R3HDM1: variants seen among roughly 807,000 people sequenced by gnomAD.
R3HDM1 encodes R3H domain-containing protein 1.
Under a neutral mutation model 141.1 loss-of-function variants are expected in R3HDM1, and 46 were observed. The ratio of observed to expected loss-of-function variants is 0.33; its 90% CI spans 0.26 to 0.42. R3HDM1 has a LOEUF of 0.42. Ranked by LOEUF, R3HDM1 falls within the 10% of genes least tolerant of loss-of-function variation. The pLI is 1.00. For synonymous variants in R3HDM1, 435 were observed against 472.9 expected, an observed-to-expected ratio of 0.92 and a Z score of 1.04; for missense variants, 1,184 against 1,368.3, an observed-to-expected ratio of 0.87 and a Z score of 2.12.
In R3HDM1 at chr2:135,622,853, A is replaced by G. The variant is rs2061637368; in HGVS notation, c.497+121A>G. The G allele has an allele frequency of 2.2e-6, 3 of 1,346,150 alleles. No homozygotes were observed. In the South Asian group the frequency reaches 5.9e-5, roughly 26 times the overall value. 83.4% of individuals were successfully genotyped at this position (1,346,150 alleles called of 1,614,324 possible). Reference sequence around the variant, plus strand: ...TGCAGATATTTGAAGTACACCAGAAACATTTTAGTTTTTTAGGGCAAAGAT... The same window carrying G: ...TGCAGATATTTGAAGTACACCAGAAGCATTTTAGTTTTTTAGGGCAAAGAT... On this transcript the variant is annotated intron_variant, in intron 7 of 26. Transcript: ENST00000683871.
intron 15 of R3HDM1, 181 bp from the exon 16 acceptor site, chr2:135,645,198 T>C (rs960258683): frequency 2.2e-5 from 11 of 494,880 alleles, no homozygotes; most frequent in Non-Finnish European, 3.4e-5. Flanking sequence ...ATAAAGACTA[T>C]TAATAGCCTC....
At chr2:135,534,084 A>T (rs1480253880) in intron 1 of R3HDM1, 1 of 954,874 alleles carries the variant, frequency 1.0e-6, no homozygotes. Flanking sequence ...TAGTGACTTA[A>T]GCACAGTTTG....
chr2:135,575,861 C>T (rs188634179), intron 1 of R3HDM1, among the ~76,000 whole-genome samples: 6 of 152,188 alleles, frequency 3.9e-5, no homozygotes, highest in Non-Finnish European at 4.4e-5. Flanking sequence ...CACCAAGAAG[C>T]CTTTTTTACT....
In R3HDM1 at chr2:135,724,314, C is replaced by T. The variant is rs756738507; in HGVS notation, c.*22C>T. The T allele has an allele frequency of 1.3e-6, 2 of 1,530,316 alleles. No individual in the cohort carries two copies. The highest frequency in any genetic ancestry group is 1.2e-5 in the South Asian group (1 of 84,626). The allele number at this position is 1,530,316 out of a possible 1,614,324, so 94.8% of individuals were successfully genotyped here. On this transcript the variant is annotated 3_prime_UTR_variant, in exon 27 of 27. Coordinates refer to ENST00000683871, the MANE Select transcript of R3HDM1 (RefSeq NM_001378107.1). ...GTAACAGCCACCTTTGGACCCTTCG[C>T]CTTTATGGTTCCCCTGCCCTCTCCC...
intron 1 of R3HDM1, chr2:135,581,311 G>A (rs567276973): frequency 1.0e-5 from 10 of 985,354 alleles, no homozygotes; most frequent in South Asian, 4.7e-5. Context: ...ACTCTCATGC[G>A]TCCTTCCTTA....
At chr2:135,582,453 G>A (rs1707031152) in intron 1 of R3HDM1, among the ~76,000 whole-genome samples, 1 of 152,142 alleles carries the variant, frequency 6.6e-6, no homozygotes, top group Non-Finnish European at 1.5e-5. Flanking sequence ...TTCAGTAAAA[G>A]CAGAATCTTA....
At chr2:135,578,754 C>T (rs534478551) in intron 1 of R3HDM1, among the ~76,000 whole-genome samples, 7 of 152,226 alleles carry the variant, frequency 4.6e-5, no homozygotes, top group South Asian at 2.1e-4. Flanking sequence ...ACAGAGGTAT[C>T]GCTTAGGAAT....
chr2:135,592,521 T>C (rs1024179078), intron 1 of R3HDM1, among the ~76,000 whole-genome samples: 2 of 152,130 alleles, frequency 1.3e-5, no homozygotes, highest in South Asian at 2.1e-4. Context: ...GAATGAATGA[T>C]TTTTTGAAAA....
chr2:135,552,475 C>T (rs956804790), intron 1 of R3HDM1, among the ~76,000 whole-genome samples: 4 of 152,146 alleles, frequency 2.6e-5, no homozygotes, highest in Non-Finnish European at 5.9e-5. Flanking sequence ...AGATTACAGG[C>T]ATGAGCCACC....
At chr2:135,563,207 A>G (rs946509028) in intron 1 of R3HDM1, among the ~76,000 whole-genome samples, 1 of 152,234 alleles carries the variant, frequency 6.6e-6, no homozygotes, top group Non-Finnish European at 1.5e-5. Context: ...AAATGCGTGC[A>G]TGTGTGTCAC....
intron 1 of R3HDM1, among the ~76,000 whole-genome samples, chr2:135,556,497 T>A (rs1700787900): frequency 6.6e-6 from 1 of 152,026 alleles, no homozygotes. Flanking sequence ...GATTGATCAT[T>A]TATTATGCAT....
chr2:135,650,600 T>C (rs1478184455), intron 17 of R3HDM1: 1 of 978,834 alleles, frequency 1.0e-6, no homozygotes, highest in African/African-American at 1.8e-5. Context: ...CTGTTAACAA[T>C]ATTTGATCAT....
At position 135,639,817 on chromosome 2, in the gene R3HDM1, C is replaced by T. The variant is rs1018050044; in HGVS notation, c.1219+695C>T. Among the ~76,000 whole-genome samples, 7 of 152,172 alleles carry T rather than the reference C, an allele frequency of 4.6e-5. No individual in the cohort carries two copies. In the South Asian group the frequency reaches 1.4e-3, roughly 31 times the overall value. On this transcript the variant is annotated intron_variant, in intron 14 of 26. Transcript: ENST00000683871. ...AAGTCAAAAATGGGTGTTTCCCTGT[C>T]CGGGCGCAGTGGCTCATGCCTGTAA...
intron 3 of R3HDM1, chr2:135,608,078 G>A: frequency 1.5e-6 from 1 of 679,992 alleles, no homozygotes; most frequent in Non-Finnish European, 1.8e-6. Flanking sequence ...CACTTTGGGA[G>A]GCCAAGGTGG....
intron 1 of R3HDM1, among the ~76,000 whole-genome samples, chr2:135,576,514 T>C (rs1321657943): frequency 6.6e-6 from 1 of 152,206 alleles, no homozygotes; most frequent in African/African-American, 2.4e-5. Flanking sequence ...TAAAATTAGA[T>C]ACACATCTTG....
At chr2:135,609,021 AAGGGATGTTAC>A (rs1279070802) in intron 3 of R3HDM1, among the ~76,000 whole-genome samples, 1 of 152,162 alleles carries the variant, frequency 6.6e-6, no homozygotes, top group Admixed American at 6.5e-5. Flanking sequence ...ATTGTTAATT[AAGGGATGTTAC>A]AGCCCCTTTT....
chr2:135,683,507 T>C (rs1254878642), intron 21 of R3HDM1, among the ~76,000 whole-genome samples: 2 of 143,648 alleles, frequency 1.4e-5, no homozygotes, highest in East Asian at 2.1e-4. Flanking sequence ...TGAGCCGAGA[T>C]CATGCCACTG....
chr2:135,541,865 AAAAAAAGAAAG>A (rs1272315491), intron 1 of R3HDM1, among the ~76,000 whole-genome samples: 5 of 150,602 alleles, frequency 3.3e-5, no homozygotes, highest in African/African-American at 1.2e-4. Context: ...AAAAAAAAAA[AAAAAAAGAAAG>A]AAAGAAAGAG....
chr2:135,588,807 T>TATTTCAGATTATGGGTA (rs1427438566), intron 1 of R3HDM1, among the ~76,000 whole-genome samples: 10 of 152,198 alleles, frequency 6.6e-5, no homozygotes, highest in Non-Finnish European at 1.2e-4. Context: ...TTCATAGTTA[T>TATTTCAGATTATGGGTA]ATTTCAGATT....
Sources: allele counts gnomAD v4.1 joint callset (sites outside exome capture counted in the v4.1 genomes callset), GRCh38; gene constraint gnomAD v4.1.1; transcripts MANE v1.5; gene names NCBI Gene and HGNC (gene_info 2026-07-23, HGNC 2026-07-21).